Variants in NDUFS2 observed in about 807,000 individuals in gnomAD.
NDUFS2 encodes NADH dehydrogenase [ubiquinone] iron-sulfur protein 2, mitochondrial.
A neutral mutation model predicts 69.6 loss-of-function variants in NDUFS2; 38 were observed. The observed-to-expected ratio is 0.55, with a 90% CI of 0.42 to 0.72. The LOEUF is 0.72. NDUFS2 is among the 30% of genes least tolerant of loss of function. The probability of loss-of-function intolerance (pLI) is 0.00; values close to 1 mark genes in which losing one functional copy is unlikely to be tolerated. For synonymous variants in NDUFS2, 194 were observed against 211.2 expected (o/e 0.92, Z 0.70); for missense variants, 468 against 595.0 (o/e 0.79, Z 2.22).
At position 161,209,296 on chromosome 1, in the gene NDUFS2, G is replaced by A; in HGVS notation, c.497G>A (p.Arg166Gln). 5.6e-6 allele frequency: 9 copies of A among 1,614,046 alleles called. No homozygotes were observed. Among genetic ancestry groups the A allele is most frequent in the Non-Finnish European group, 7.6e-6 (9 of 1,180,022 alleles). The change falls in exon 4 of 14, where the codon CGG becomes CAG. Residue 166 changes from arginine to glutamine, a missense_variant. By Grantham distance (43) the Arg-to-Gln change is conservative. This residue lies in a region of NDUFS2 where 339 missense variants were observed against 433.8 expected (regional missense o/e 0.78). Transcript: ENST00000676972. ...EKLLNIRPPPRAQWIRVLFGE... is the reference protein window; with the variant it reads ...EKLLNIRPPPQAQWIRVLFGE... ...TTGCTAAACATCCGGCCTCCTCCTC[G>A]GGCACAGTGGATCCGAGGTATGTCC...
rs1169094900 is a variant in NDUFS2, at chr1:161,213,579, T to G, written c.1213-70T>G. 1.9e-6 allele frequency: 3 copies of G among 1,559,058 alleles called. No individual in the cohort carries two copies. In the South Asian group the frequency reaches 3.3e-5, roughly 17 times the overall value. ...TCAATGAGAGAGAAAACAGAATGAA[T>G]AGAGGTTTTGTTGGCAGAGAAAAAT... On this transcript the variant is annotated intron_variant, in intron 11 of 13. Transcript: ENST00000676972.
At chr1:161,203,855 G>A in intron 2 of NDUFS2, 2 of 389,342 alleles carry the variant, frequency 5.1e-6, no homozygotes, top group Non-Finnish European at 9.9e-6. Flanking sequence ...TCCCAACTCA[G>A]CCTCCGAAAG....
At chr1:161,198,466 G>T, upstream of NDUFS2, 1 of 1,571,822 alleles carries the variant, frequency 6.4e-7, no homozygotes, top group Non-Finnish European at 8.6e-7. The surrounding 1 kb of genome is among the most constrained non-coding windows in gnomAD (Gnocchi z 4.7). Flanking sequence ...CCCGGGGGAG[G>T]GGGCTGGCCA....
At chr1:161,199,731 C>T (rs77825966), upstream of NDUFS2, among the ~76,000 whole-genome samples, 573 of 152,122 alleles carry the variant, frequency 3.8e-3, 34 homozygotes, top group East Asian at 0.096. Context: ...GAGGGGTTAA[C>T]GACTTTTCCT....
chr1:161,210,361 G>C lies in NDUFS2; in HGVS notation c.838G>C (p.Ala280Pro), dbSNP rs140206506. Residue 280 changes from alanine (A) to proline (P), a missense_variant, in exon 8 of 14, where the codon GCA becomes CCA. Physicochemically the swap from Ala to Pro is conservative, Grantham distance 27 (BLOSUM62 -1). Around this residue, in one of 3 missense-constraint regions of NDUFS2, gnomAD observed 339 missense variants for 433.8 expected, o/e 0.78. Transcript: ENST00000676972. ...NRTIDIGVVT[A>P]EEALNYGFSG... ...GACAATTGACATTGGGGTTGTAACA[G>C]CAGAAGAAGCACTTAACTATGGTTT... The C allele has an allele frequency of 6.2e-7, 1 of 1,614,034 alleles. No homozygotes were observed. Among genetic ancestry groups the C allele is most frequent in the East Asian group, 2.2e-5 (1 of 44,890 alleles).
At chr1:161,202,364 C>A, upstream of NDUFS2, 1 of 1,602,940 alleles carries the variant, frequency 6.2e-7, no homozygotes. Context: ...TTCTCCTTCC[C>A]GCAGTCTGCA....
chr1:161,197,789 C>A (rs920292702), upstream of NDUFS2, among the ~76,000 whole-genome samples: 6 of 151,950 alleles, frequency 3.9e-5, no homozygotes, highest in African/African-American at 1.2e-4. Context: ...CTCTGAGAAC[C>A]CTCGGTGGGT....
At chr1:161,201,646 A>G (rs1182293608), upstream of NDUFS2, among the ~76,000 whole-genome samples, 1 of 152,122 alleles carries the variant, frequency 6.6e-6, no homozygotes, top group African/African-American at 2.4e-5. Context: ...GGCATCTCTA[A>G]GGGCGCTTCC....
At chr1:161,201,093 G>C (rs1665096180), upstream of NDUFS2, among the ~76,000 whole-genome samples, 1 of 152,200 alleles carries the variant, frequency 6.6e-6, no homozygotes, top group African/African-American at 2.4e-5. Context: ...AAGGCCCAGG[G>C]AAAGAGCAAG....
chr1:161,198,614 C>T (rs1173869137), upstream of NDUFS2: 4 of 1,529,406 alleles, frequency 2.6e-6, no homozygotes, highest in East Asian at 9.5e-5. The surrounding 1 kb of genome is among the most constrained non-coding windows in gnomAD (Gnocchi z 4.7). Context: ...GGGATGCGAG[C>T]CTGTCTGGGA....
At chr1:161,212,711 C>T (rs1214358230) in intron 10 of NDUFS2, 1 of 420,560 alleles carries the variant, frequency 2.4e-6, no homozygotes, top group Non-Finnish European at 4.4e-6. Flanking sequence ...AGGCGTGTGC[C>T]ACTACGCCCA....
chr1:161,210,522 C>T, intron 8 of NDUFS2, 69 bp from the exon 9 acceptor site: 2 of 1,611,502 alleles, frequency 1.2e-6, no homozygotes, highest in Non-Finnish European at 8.5e-7. Context: ...ACAAGGGAGG[C>T]TAAGGAAGAA....
At position 161,214,269 on chromosome 1, in the gene NDUFS2, CTGTGTGTGTGTGTGTGTGTG is replaced by C; in HGVS notation, c.*88_*107del. 2.2e-6 allele frequency: 2 copies of C among 895,556 alleles called. No individual in the cohort carries two copies. Among genetic ancestry groups the C allele is most frequent in the Non-Finnish European group, 3.6e-6 (2 of 557,384 alleles). The allele number at this position is 895,556 out of a possible 1,614,324, so 55.5% of individuals were successfully genotyped here. A position where few individuals can be genotyped will look rare whatever the true frequency, so the allele number is the denominator to read the frequency against. ...CCTGTTCCTCACTGGAAATTGGCCT[CTGTGTGTGTGTGTGTGTGTG>C]TGTGTGTGTGTATGTTCATGTACAC... On this transcript the variant is annotated 3_prime_UTR_variant, in exon 14 of 14. Coordinates refer to ENST00000676972, the MANE Select transcript of NDUFS2 (RefSeq NM_001377299.1).
intron 1 of NDUFS2, among the ~76,000 whole-genome samples, chr1:161,202,727 G>A (rs180841866): frequency 9.8e-5 from 15 of 152,292 alleles, no homozygotes; most frequent in African/African-American, 3.4e-4. Context: ...TAATTTGAAT[G>A]CACCTCTCCT....
At chr1:161,208,861 T>C (rs1302083656) in intron 3 of NDUFS2, among the ~76,000 whole-genome samples, 1 of 152,230 alleles carries the variant, frequency 6.6e-6, no homozygotes, top group Non-Finnish European at 1.5e-5. Context: ...ATGGTGGAAA[T>C]ACTGTATAAT....
At chr1:161,198,221 G>A (rs199826453), upstream of NDUFS2, 12 of 1,614,070 alleles carry the variant, frequency 7.4e-6, no homozygotes, top group Middle Eastern at 3.3e-4. The surrounding 1 kb of genome is among the most constrained non-coding windows in gnomAD (Gnocchi z 4.7). Flanking sequence ...CACCGACTCC[G>A]GATCTCCATT....
upstream of NDUFS2, among the ~76,000 whole-genome samples, chr1:161,201,238 C>T (rs976496834): frequency 1.3e-5 from 2 of 152,244 alleles, no homozygotes; most frequent in African/African-American, 4.8e-5. Context: ...AGGTCAATTC[C>T]CAGGCCAGAA....
chr1:161,205,547 A>G (rs562560548), intron 2 of NDUFS2, among the ~76,000 whole-genome samples: 1 of 152,266 alleles, frequency 6.6e-6, no homozygotes, highest in South Asian at 2.1e-4. Context: ...TTTCTTGGTT[A>G]CTTACAAATT....
intron 11 of NDUFS2, 76 bp downstream of exon 11, chr1:161,213,551 T>C (rs1053518324): frequency 1.2e-5 from 19 of 1,537,212 alleles, no homozygotes; most frequent in Non-Finnish European, 1.5e-5. Flanking sequence ...AATAGCTCAT[T>C]CATCAATGAG....
Sources: gnomAD v4.1 joint callset for allele counts (sites outside exome capture counted in the v4.1 genomes callset) on GRCh38, gnomAD v4.1.1 for gene constraint, gnomAD v4.1.1 regional missense constraint, Gnocchi (gnomAD v3.1) non-coding constraint, MANE v1.5 for transcripts, NCBI Gene and HGNC (gene_info 2026-07-23, HGNC 2026-07-21) for gene names.